The following GRM8 variants were observed in gnomAD, a reference collection of about 807,000 sequenced individuals.
The protein encoded by GRM8 is metabotropic glutamate receptor 8.
GRM8 carries 47 observed loss-of-function variants against 87.2 expected under a neutral mutation model. The ratio of observed to expected loss-of-function variants is 0.54; its 90% CI spans 0.43 to 0.69. The LOEUF (loss-of-function observed/expected upper bound fraction) is 0.69. Ranked by LOEUF, GRM8 falls within the 30% of genes least tolerant of loss-of-function variation. GRM8 has a pLI of 0.00. For missense variants in GRM8, 1,019 were observed against 1,139.2 expected (o/e 0.89, Z 1.52); for synonymous variants, 396 against 404.5 (o/e 0.98, Z 0.25).
At chr7:126,847,308 C>T (rs1463625903) in intron 6 of GRM8, among the ~76,000 whole-genome samples, 1 of 152,092 alleles carries the variant, frequency 6.6e-6, no homozygotes, top group Non-Finnish European at 1.5e-5. Context: ...ACATAATGAA[C>T]CTCCTAGGAT....
rs536920556 is a variant in GRM8, at chr7:126,946,331, C to A, written c.728-41648G>T. 2.6e-5 allele frequency among the ~76,000 whole-genome samples: 4 copies of A among 152,244 alleles called. No homozygotes were observed. The South Asian group carries it at 8.3e-4, about 32-fold the overall frequency. The stretch of plus-strand genomic sequence containing the variant: ...AGCTTGAGCAACATAGTGAGACCCC[C>A]CCATCTCTACAAAATATTACAAATG... On this transcript the variant is annotated intron_variant, in intron 3 of 10. Coordinates refer to ENST00000339582, the MANE Select transcript of GRM8 (RefSeq NM_000845.3).
chr7:126,540,402 T>C (rs924132357), intron 8 of GRM8, among the ~76,000 whole-genome samples: 4 of 152,136 alleles, frequency 2.6e-5, no homozygotes, highest in African/African-American at 4.8e-5. Flanking sequence ...AAGCTAAACA[T>C]AGGGTTTTGA....
intron 3 of GRM8, among the ~76,000 whole-genome samples, chr7:126,965,863 A>T (rs1017828305): frequency 6.6e-6 from 1 of 152,120 alleles, no homozygotes; most frequent in African/African-American, 2.4e-5. Context: ...ACACTTATGC[A>T]TATAAATAAA....
chr7:127,038,405 C>T (rs1318129173), intron 3 of GRM8, among the ~76,000 whole-genome samples: 1 of 152,054 alleles, frequency 6.6e-6, no homozygotes, highest in Non-Finnish European at 1.5e-5. Context: ...TTTGAACTTA[C>T]CCTTAAAGAA....
chr7:126,524,497 C>T (rs2150809445), intron 9 of GRM8, among the ~76,000 whole-genome samples: 1 of 152,224 alleles, frequency 6.6e-6, no homozygotes, highest in Non-Finnish European at 1.5e-5. Context: ...TGAAAATTTA[C>T]TAAGATGTTT....
At position 126,788,420 on chromosome 7, in the gene GRM8, A is replaced by AAAAAAAAAAAAAAAAAAAACAAAAAAC; in HGVS notation, c.1157-18356_1157-18355insGTTTTTTGTTTTTTTTTTTTTTTTTTT. 5.4e-3 allele frequency among the ~76,000 whole-genome samples: 441 copies of AAAAAAAAAAAAAAAAAAAACAAAAAAC among 81,014 alleles called. 18 individuals carry two copies. Among genetic ancestry groups the AAAAAAAAAAAAAAAAAAAACAAAAAAC allele is most frequent in the African/African-American group, 0.015 (332 of 21,776 alleles). The allele number at this position is 81,014 out of a possible 152,430, so 53.1% of individuals were successfully genotyped here. On this transcript the variant is annotated intron_variant, in intron 6 of 10. Coordinates refer to ENST00000339582, the MANE Select transcript of GRM8 (RefSeq NM_000845.3). ...GCAAGACTCCATCTCAAAAAAAAAA[A>AAAAAAAAAAAAAAAAAAAACAAAAAAC]AAACCCTTTCAGATATCTTTAACAT...
At chr7:126,721,929 G>A (rs1812431707) in intron 7 of GRM8, among the ~76,000 whole-genome samples, 1 of 151,956 alleles carries the variant, frequency 6.6e-6, no homozygotes, top group South Asian at 2.1e-4. Flanking sequence ...GATTAGGCTA[G>A]GACAAGACCT....
At position 127,097,735 on chromosome 7, in the gene GRM8, A is replaced by T. The variant is rs1178928809; in HGVS notation, c.727+8761T>A. Among the ~76,000 whole-genome samples the T allele has an allele frequency of 2.0e-5, 3 of 152,342 alleles. No homozygotes were observed. In the East Asian group the frequency reaches 5.8e-4, roughly 29 times the overall value. ...AGGGCATCCATTTTACAGACAAGGAAATTAATTCTCAGAGAAGCTTGTTAA... is the reference window on the plus strand; with the variant it reads ...AGGGCATCCATTTTACAGACAAGGATATTAATTCTCAGAGAAGCTTGTTAA... On this transcript the variant is annotated intron_variant, in intron 3 of 10. Coordinates refer to ENST00000339582, the MANE Select transcript of GRM8 (RefSeq NM_000845.3).
chr7:126,862,319 A>T (rs1798203161), intron 6 of GRM8, among the ~76,000 whole-genome samples: 2 of 152,000 alleles, frequency 1.3e-5, no homozygotes, highest in Non-Finnish European at 1.5e-5. Flanking sequence ...AAAAATAATA[A>T]CTAGATATCT....
intron 3 of GRM8, among the ~76,000 whole-genome samples, chr7:126,985,943 T>C (rs531357999): frequency 1.3e-3 from 205 of 152,332 alleles, no homozygotes; most frequent in African/African-American, 4.7e-3. Flanking sequence ...TGTTAAAATA[T>C]TCTAATCACC....
In GRM8 at chr7:127,207,493, C is replaced by T. The variant is rs78518044; in HGVS notation, c.510+35202G>A. Among the ~76,000 whole-genome samples, 400 of 152,292 alleles carry T rather than the reference C, an allele frequency of 2.6e-3. 1 individual carries two copies. Among genetic ancestry groups the T allele is most frequent in the African/African-American group, 9.3e-3 (387 of 41,562 alleles). On this transcript the variant is annotated intron_variant, in intron 2 of 10. Transcript: ENST00000339582. ...AAACATAGATAACAATGATACTGAA[C>T]ACATAAGGAGTACCAGCCACCACAA...
At chr7:126,812,813 T>G (rs1465686054) in intron 6 of GRM8, among the ~76,000 whole-genome samples, 1 of 152,046 alleles carries the variant, frequency 6.6e-6, no homozygotes, top group Admixed American at 6.6e-5. Context: ...AGAGCAGGTA[T>G]GCTTTTGCAG....
rs896553070 is a variant in GRM8, at chr7:126,444,788, G to A, written c.2677+1338C>T. On this transcript the variant is annotated intron_variant, in intron 10 of 10. Transcript: ENST00000339582. ...TTATATTTAGTGTCAAAAGTATGGA[G>A]AGTAGGGGATACAGACTGCTGGATG... Among the ~76,000 whole-genome samples, 9 of 152,138 alleles carry A rather than the reference G, an allele frequency of 5.9e-5. No homozygotes were observed. The East Asian group carries it at 9.7e-4, about 16-fold the overall frequency.
chr7:126,713,181 G>A (rs1336167237), intron 7 of GRM8, among the ~76,000 whole-genome samples: 1 of 152,040 alleles, frequency 6.6e-6, no homozygotes, highest in African/African-American at 2.4e-5. Context: ...CAATAACAAA[G>A]ACTTGGAACC....
At chr7:126,592,486 T>C (rs755694358) in intron 8 of GRM8, among the ~76,000 whole-genome samples, 1 of 151,964 alleles carries the variant, frequency 6.6e-6, no homozygotes, top group Non-Finnish European at 1.5e-5. Context: ...ATATGTAAAT[T>C]AATAAATGTG....
chr7:127,165,165 T>TG (rs1306309242), intron 2 of GRM8, among the ~76,000 whole-genome samples: 1 of 62,496 alleles, frequency 1.6e-5, no homozygotes, highest in Non-Finnish European at 3.0e-5. Context: ...TATATATATA[T>TG]ATATATATAT....
chr7:127,198,331 T>A (rs1795400586), intron 2 of GRM8, among the ~76,000 whole-genome samples: 1 of 152,216 alleles, frequency 6.6e-6, no homozygotes. Context: ...CAAAAGTCTT[T>A]GTCACCACGA....
chr7:126,656,979 T>C (rs186277537), intron 7 of GRM8, among the ~76,000 whole-genome samples: 1 of 152,380 alleles, frequency 6.6e-6, no homozygotes, highest in Admixed American at 6.5e-5. Flanking sequence ...AGTGCTTATG[T>C]AGACAGCACA....
chr7:126,544,645 G>A lies in GRM8; in HGVS notation c.1495-10758C>T, dbSNP rs577482713. On this transcript the variant is annotated intron_variant, in intron 8 of 10. Coordinates refer to ENST00000339582, the MANE Select transcript of GRM8 (RefSeq NM_000845.3). Reference sequence around the variant, plus strand: ...CCTGCCTCAGCCTCCCGAGTAGCTGGGACTAAGGTGCACGCCACCACGCCC... The same window carrying A: ...CCTGCCTCAGCCTCCCGAGTAGCTGAGACTAAGGTGCACGCCACCACGCCC... 2.0e-5 allele frequency among the ~76,000 whole-genome samples: 3 copies of A among 152,018 alleles called. No individual in the cohort carries two copies. In the South Asian group the frequency reaches 6.2e-4, roughly 32 times the overall value.
Sources: allele counts gnomAD v4.1 joint callset (sites outside exome capture counted in the v4.1 genomes callset), GRCh38; gene constraint gnomAD v4.1.1; transcripts MANE v1.5; gene names NCBI Gene and HGNC (gene_info 2026-07-23, HGNC 2026-07-21).